PHACTR1: variants seen among roughly 807,000 people sequenced by gnomAD.
PHACTR1 encodes the protein RPEL repeat containing 1.
In PHACTR1, 16 loss-of-function variants were observed where a neutral mutation model predicts 69.2. That is an observed-to-expected ratio of 0.23 (90% CI 0.16 to 0.35). The LOEUF (loss-of-function observed/expected upper bound fraction) is 0.35, where lower values mean the gene tolerates loss of function less well. Ranked by LOEUF, PHACTR1 falls within the 10% of genes least tolerant of loss-of-function variation. The pLI is 1.00. For missense variants in PHACTR1, 510 were observed against 734.7 expected (o/e 0.69, Z 3.54); for synonymous variants, 312 against 284.5 (o/e 1.10, Z -0.97).
At chr6:13,160,036 A>G (rs1420105858) in intron 5 of PHACTR1, among the ~76,000 whole-genome samples, 168 bp from the exon 6 acceptor site, 1 of 152,228 alleles carries the variant, frequency 6.6e-6, no homozygotes, top group Admixed American at 6.5e-5. Flanking sequence ...TTATTATGAT[A>G]GTATCAAAAC....
At chr6:13,250,801 G>A (rs906305490) in intron 10 of PHACTR1, among the ~76,000 whole-genome samples, 10 of 152,134 alleles carry the variant, frequency 6.6e-5, no homozygotes, top group African/African-American at 2.4e-4. Context: ...GCGCAAGACA[G>A]GTCTGGGCGC....
At chr6:13,031,040 A>G (rs1411778365) in intron 4 of PHACTR1, among the ~76,000 whole-genome samples, 1 of 152,186 alleles carries the variant, frequency 6.6e-6, no homozygotes, top group Non-Finnish European at 1.5e-5. Flanking sequence ...ATATTCCCAG[A>G]TATTTGGCCA....
At position 12,718,723 on chromosome 6, in the gene PHACTR1, C is replaced by T; in HGVS notation, c.-22C>T. The T allele has an allele frequency of 7.2e-7, 1 of 1,384,360 alleles. No homozygotes were observed. The highest frequency in any genetic ancestry group is 9.9e-7 in the Non-Finnish European group (1 of 1,013,394). 85.8% of individuals were successfully genotyped at this position (1,384,360 alleles called of 1,614,324 possible). On this transcript the variant is annotated 5_prime_UTR_variant, in exon 3 of 15. Coordinates refer to ENST00000332995, the MANE Select transcript of PHACTR1 (RefSeq NM_030948.6). ...GGTGTTCCAGTGTTTTCTCTCAAAA[C>T]TCTGTGTTTGGAACATCAAGGATGG...
rs180808161 is a variant in PHACTR1, at chr6:12,970,265, T to C, written c.251-83100T>C. Among the ~76,000 whole-genome samples the C allele has an allele frequency of 2.6e-5, 4 of 152,314 alleles. No individual in the cohort carries two copies. In the East Asian group the frequency reaches 7.7e-4, roughly 29 times the overall value. ...CTAAACTTCTCTTCCTCACAATAAT[T>C]AGCCAACAGGAGCAGTTATTTTTAA... On this transcript the variant is annotated intron_variant, in intron 4 of 14. Transcript: ENST00000332995.
chr6:12,760,059 C>T (rs1168507317), intron 4 of PHACTR1, among the ~76,000 whole-genome samples: 1 of 152,230 alleles, frequency 6.6e-6, no homozygotes, highest in African/African-American at 2.4e-5. Context: ...TAATGCCTGA[C>T]ACATAGTGAG....
intron 4 of PHACTR1, among the ~76,000 whole-genome samples, chr6:12,909,378 A>G (rs1014277702): frequency 1.3e-5 from 2 of 152,226 alleles, no homozygotes; most frequent in African/African-American, 4.8e-5. Context: ...GTTCCAGGCT[A>G]TTAGGAACTA....
chr6:13,135,177 C>G (rs1298635965), intron 5 of PHACTR1, among the ~76,000 whole-genome samples: 2 of 152,324 alleles, frequency 1.3e-5, no homozygotes, highest in Non-Finnish European at 2.9e-5. Context: ...ATCCATCTTC[C>G]AGCTGTGAAT....
At chr6:12,998,380 G>A (rs1218511341) in intron 4 of PHACTR1, among the ~76,000 whole-genome samples, 1 of 152,102 alleles carries the variant, frequency 6.6e-6, no homozygotes, top group Non-Finnish European at 1.5e-5. Context: ...CACTTTGGGA[G>A]GCTGAGGCAG....
chr6:13,140,351 T>C (rs1419717490), intron 5 of PHACTR1, among the ~76,000 whole-genome samples: 1 of 152,182 alleles, frequency 6.6e-6, no homozygotes. Flanking sequence ...CATAGCAGCA[T>C]TGTTCACCAA....
intron 5 of PHACTR1, among the ~76,000 whole-genome samples, chr6:13,056,300 T>C (rs535363120): frequency 6.6e-6 from 1 of 152,268 alleles, no homozygotes; most frequent in African/African-American, 2.4e-5. Context: ...CTCAGGAAGC[T>C]GAGGTGAGAG....
Position 12,718,859 on chromosome 6 carries a change from A to C in PHACTR1, c.103+12A>C. 1 of 1,495,770 alleles carries C rather than the reference A, an allele frequency of 6.7e-7. No individual in the cohort carries two copies. 92.7% of individuals were successfully genotyped at this position (1,495,770 alleles called of 1,614,324 possible). A position where few individuals can be genotyped will look rare whatever the true frequency, so the allele number is the denominator to read the frequency against. The stretch of plus-strand genomic sequence containing the variant: ...TCAAGGAGCTCAAGGTAATAAAATA[A>C]GAAAAAGAAATTCCTCTTATTTGCA... On this transcript the variant is annotated intron_variant, in intron 3 of 14. Transcript: ENST00000332995.
chr6:13,162,219 C>T (rs1759133520), intron 6 of PHACTR1, among the ~76,000 whole-genome samples: 2 of 152,124 alleles, frequency 1.3e-5, no homozygotes, highest in African/African-American at 2.4e-5. Context: ...CCTGCCTCAG[C>T]CTCTTGAGTA....
intron 5 of PHACTR1, among the ~76,000 whole-genome samples, chr6:13,087,390 C>T (rs1053418513): frequency 1.3e-5 from 2 of 151,310 alleles, no homozygotes; most frequent in Non-Finnish European, 2.9e-5. Context: ...TACCAAAGCA[C>T]ATAGTATGAG....
chr6:12,892,565 CT>C (rs1402159772), intron 4 of PHACTR1, among the ~76,000 whole-genome samples: 1 of 152,194 alleles, frequency 6.6e-6, no homozygotes, highest in Admixed American at 6.5e-5. Context: ...ATGGTCTTAT[CT>C]AAATGTTTTG....
intron 4 of PHACTR1, among the ~76,000 whole-genome samples, chr6:12,922,379 T>C (rs1335688676): frequency 6.6e-6 from 1 of 152,176 alleles, no homozygotes; most frequent in Non-Finnish European, 1.5e-5. Context: ...ATTAATAATA[T>C]TGGCTTTAGA....
chr6:12,886,709 C>T (rs1222635807), intron 4 of PHACTR1, among the ~76,000 whole-genome samples: 6 of 152,168 alleles, frequency 3.9e-5, no homozygotes, highest in Non-Finnish European at 8.8e-5. Context: ...CCACTCACAG[C>T]TCATGGAGAC....
intron 4 of PHACTR1, among the ~76,000 whole-genome samples, chr6:12,942,608 G>A (rs1173653680): frequency 5.3e-5 from 8 of 151,960 alleles, no homozygotes; most frequent in African/African-American, 1.5e-4. Context: ...TCAGTGAGCC[G>A]AGATCATACC....
intron 5 of PHACTR1, among the ~76,000 whole-genome samples, chr6:13,077,035 T>C (rs569919513): frequency 6.6e-6 from 1 of 150,988 alleles, no homozygotes; most frequent in Admixed American, 6.6e-5. Context: ...GGCACATGTA[T>C]ACATATGTAA....
At chr6:12,986,860 T>C (rs1023536502) in intron 4 of PHACTR1, among the ~76,000 whole-genome samples, 4 of 152,142 alleles carry the variant, frequency 2.6e-5, no homozygotes, top group Non-Finnish European at 5.9e-5. Flanking sequence ...GAGAACAAGG[T>C]AAGCAAAGGT....
Sources: gnomAD v4.1 joint callset for allele counts (sites outside exome capture counted in the v4.1 genomes callset) on GRCh38, gnomAD v4.1.1 for gene constraint, MANE v1.5 for transcripts, NCBI Gene and HGNC (gene_info 2026-07-23, HGNC 2026-07-21) for gene names.